Variants in METTL2A observed in about 807,000 individuals in gnomAD.
METTL2A encodes the protein methyltransferase 2A, tRNA N3-cytidine, also known as tRNA N(3)-cytidine methyltransferase METTL2A.
In METTL2A, 45 loss-of-function variants were observed where a neutral mutation model predicts 49.4. The observed-to-expected ratio is 0.91, with a 90% CI of 0.72 to 1.17. METTL2A has a LOEUF of 1.17. Among genes scored for constraint, METTL2A ranks in the 50% most tolerant of loss-of-function variants. METTL2A has a pLI of 0.00. For missense variants in METTL2A, 361 were observed against 462.2 expected, an observed-to-expected ratio of 0.78 and a Z score of 2.01; for synonymous variants, 118 against 167.5, an observed-to-expected ratio of 0.70 and a Z score of 2.28.
intron 4 of METTL2A, among the ~76,000 whole-genome samples, chr17:62,430,835 C>T (rs1357048142): frequency 5.3e-5 from 8 of 151,486 alleles, no homozygotes; most frequent in Non-Finnish European, 1.2e-4. Flanking sequence ...CCCACCACCA[C>T]GCCCAGCTAA....
intron 2 of METTL2A, among the ~76,000 whole-genome samples, chr17:62,425,503 C>T (rs1359312416): frequency 6.7e-6 from 1 of 148,770 alleles, no homozygotes. Flanking sequence ...TCCCCTGCCT[C>T]AGCCTCCCTA....
At chr17:62,432,081 G>A (rs1436513361) in intron 4 of METTL2A, among the ~76,000 whole-genome samples, 1 of 151,994 alleles carries the variant, frequency 6.6e-6, no homozygotes, top group Non-Finnish European at 1.5e-5. Flanking sequence ...TCAACTTCAG[G>A]ACATTTTCAT....
intron 7 of METTL2A, among the ~76,000 whole-genome samples, chr17:62,445,497 TAGAA>T (rs2070762746): frequency 2.0e-5 from 3 of 152,062 alleles, no homozygotes; most frequent in South Asian, 2.1e-4. Context: ...GAGCTTTTAT[TAGAA>T]AGACATTTGA....
At chr17:62,448,143 C>G (rs1314715393) in intron 8 of METTL2A, among the ~76,000 whole-genome samples, 1 of 152,236 alleles carries the variant, frequency 6.6e-6, no homozygotes, top group East Asian at 1.9e-4. Context: ...GTGCTGGGAA[C>G]TGCTCTCCTC....
In METTL2A at chr17:62,448,671, T is replaced by C. The variant is rs753117841; in HGVS notation, c.1079T>C (p.Met360Thr). The C allele has an allele frequency of 4.3e-6, 7 of 1,614,028 alleles. No individual in the cohort carries two copies. The South Asian group carries it at 5.5e-5, about 13-fold the overall frequency. The part of the protein sequence containing the change: ...LQVNRGKQLT[M>T]YRVWIQCKYC... Reference sequence around the variant, plus strand: ...GTGAACCGAGGAAAGCAACTGACAATGTACCGGGTTTGGATTCAGTGCAAA... The same window carrying C: ...GTGAACCGAGGAAAGCAACTGACAACGTACCGGGTTTGGATTCAGTGCAAA... The change falls in exon 9 of 9, where the codon ATG (methionine) becomes ACG (threonine). Residue 360 changes from methionine (M) to threonine (T), a missense_variant. Physicochemically the swap from Met to Thr is moderately conservative, Grantham distance 81. Coordinates refer to ENST00000311506, the MANE Select transcript of METTL2A (RefSeq NM_181725.4).
intron 6 of METTL2A, among the ~76,000 whole-genome samples, chr17:62,444,038 G>C (rs1376760601): frequency 6.6e-6 from 1 of 152,154 alleles, no homozygotes; most frequent in Admixed American, 6.6e-5. Context: ...CCCTCTGTCT[G>C]TTATACTCAT....
chr17:62,444,195 C>T (rs2070754250), intron 6 of METTL2A, among the ~76,000 whole-genome samples: 1 of 152,212 alleles, frequency 6.6e-6, no homozygotes, highest in Non-Finnish European at 1.5e-5. Flanking sequence ...CAGGATTCAG[C>T]TCAGCCACAG....
At chr17:62,437,133 CTTTTTTTTT>C (rs747770697) in intron 5 of METTL2A, among the ~76,000 whole-genome samples, 1 of 125,556 alleles carries the variant, frequency 8.0e-6, no homozygotes, top group African/African-American at 3.1e-5. Flanking sequence ...TCAGGCTTCA[CTTTTTTTTT>C]TTTTTTTTTT....
chr17:62,446,590 G>T (rs994596167), intron 7 of METTL2A, among the ~76,000 whole-genome samples: 5 of 152,232 alleles, frequency 3.3e-5, no homozygotes, highest in African/African-American at 9.6e-5. Context: ...TGGGATTACA[G>T]GTGTGAGCCA....
At chr17:62,448,003 C>G (rs768586849) in intron 8 of METTL2A, among the ~76,000 whole-genome samples, 14 of 152,198 alleles carry the variant, frequency 9.2e-5, no homozygotes, top group Admixed American at 5.2e-4. Context: ...TCTGCTCTCC[C>G]TGTCTGCCAC....
At chr17:62,440,168 G>C (rs1485880018) in intron 5 of METTL2A, among the ~76,000 whole-genome samples, 1 of 151,970 alleles carries the variant, frequency 6.6e-6, no homozygotes, top group African/African-American at 2.4e-5. Flanking sequence ...TGGGATTATA[G>C]GCATGTGCCA....
intron 5 of METTL2A, among the ~76,000 whole-genome samples, chr17:62,436,754 T>A (rs1167054562): frequency 6.6e-6 from 1 of 152,064 alleles, no homozygotes; most frequent in African/African-American, 2.4e-5. Context: ...TAAAATAAGG[T>A]AACAGTGAAG....
At chr17:62,435,198 A>G (rs1203850748) in intron 4 of METTL2A, 34 bp from the exon 5 acceptor site, 4 of 1,613,812 alleles carry the variant, frequency 2.5e-6, no homozygotes, top group Non-Finnish European at 3.4e-6. Flanking sequence ...CTCGATTTGT[A>G]GTCTCATTGT....
chr17:62,425,003 A>AT (rs199911257), intron 2 of METTL2A, among the ~76,000 whole-genome samples: 2,014 of 149,998 alleles, frequency 0.013, 36 homozygotes, highest in African/African-American at 0.046. Context: ...CACCCTGCAT[A>AT]TTTTGACAGC....
intron 3 of METTL2A, among the ~76,000 whole-genome samples, chr17:62,427,193 G>T (rs921344328): frequency 6.6e-6 from 1 of 152,172 alleles, no homozygotes; most frequent in African/African-American, 2.4e-5. Flanking sequence ...ACTGGAAGCT[G>T]GTTCTGGAAC....
chr17:62,436,923 A>G lies in METTL2A; in HGVS notation c.669+1631A>G, dbSNP rs567566310. ...CTAAGTTTGATGCCATTTCAAAACA[A>G]AAAACCTTTCTTGCCATTTCTAAAC... On this transcript the variant is annotated intron_variant, in intron 5 of 8. Coordinates refer to ENST00000311506, the MANE Select transcript of METTL2A (RefSeq NM_181725.4). Among the ~76,000 whole-genome samples the G allele has an allele frequency of 1.2e-3, 190 of 152,288 alleles. 2 individuals carry two copies. Among genetic ancestry groups the G allele is most frequent in the Admixed American group, 2.6e-3 (39 of 15,274 alleles).
chr17:62,439,430 GTTTGTTTTTGTT>G (rs369234957), intron 5 of METTL2A, among the ~76,000 whole-genome samples: 171 of 149,156 alleles, frequency 1.1e-3, no homozygotes, highest in African/African-American at 4.0e-3. Flanking sequence ...TTGTTTGTTT[GTTTGTTTTTGTT>G]TTTGTTTTTG....
At chr17:62,446,186 C>T (rs903282301) in intron 7 of METTL2A, among the ~76,000 whole-genome samples, 1 of 152,074 alleles carries the variant, frequency 6.6e-6, no homozygotes, top group Non-Finnish European at 1.5e-5. Flanking sequence ...GGAGTTTTGC[C>T]GTTATTGCCC....
At chr17:62,429,867 T>C (rs3925643) in intron 4 of METTL2A, among the ~76,000 whole-genome samples, 36,810 of 151,736 alleles carry the variant, frequency 0.24, 7,628 homozygotes, top group East Asian at 0.56. Context: ...GATGGGGTTT[T>C]GCCATGTTGG....
Sources: gnomAD v4.1 joint callset for allele counts (sites outside exome capture counted in the v4.1 genomes callset) on GRCh38, gnomAD v4.1.1 for gene constraint, MANE v1.5 for transcripts, NCBI Gene and HGNC (gene_info 2026-07-23, HGNC 2026-07-21) for gene names.